GPHN: variants seen among roughly 807,000 people sequenced by gnomAD.
GPHN encodes the protein gephyrin.
In GPHN, 17 loss-of-function variants were observed where a neutral mutation model predicts 95.5. The observed-to-expected ratio is 0.18, with a 90% CI of 0.12 to 0.27. The LOEUF is 0.27. GPHN is among the 10% of genes least tolerant of loss of function. The pLI, the probability that GPHN is intolerant of heterozygous loss-of-function variation, is 1.00. For missense variants in GPHN, 660 were observed against 978.1 expected, an observed-to-expected ratio of 0.67 and a Z score of 4.34; for synonymous variants, 320 against 322.5, an observed-to-expected ratio of 0.99 and a Z score of 0.08.
At chr14:66,882,758 T>G (rs531228170) in intron 5 of GPHN, among the ~76,000 whole-genome samples, 1 of 151,674 alleles carries the variant, frequency 6.6e-6, no homozygotes, top group Non-Finnish European at 1.5e-5. Context: ...TTTTCGTAGC[T>G]TTTCTTCATT....
At chr14:67,657,801 T>C in the GPHN span, among the ~76,000 whole-genome samples, 1 of 144,458 alleles carries the variant, frequency 6.9e-6, no homozygotes, top group East Asian at 2.0e-4. Flanking sequence ...CGGGCTGGAG[T>C]GGAGTGGCAA....
At chr14:67,726,028 A>G in the GPHN span, 1 of 1,519,316 alleles carries the variant, frequency 6.6e-7, no homozygotes, top group South Asian at 1.1e-5. Flanking sequence ...TAACCATAGG[A>G]TCTCTTTGGT....
chr14:67,435,306 A>G, the GPHN span, among the ~76,000 whole-genome samples: 4 of 152,216 alleles, frequency 2.6e-5, no homozygotes, highest in East Asian at 7.7e-4. Context: ...CACTCCCATG[A>G]TAGCCGGTTA....
At chr14:67,508,770 A>AAAAAAAAAAAAAAAAAAAAAAG in the GPHN span, among the ~76,000 whole-genome samples, 1 of 150,950 alleles carries the variant, frequency 6.6e-6, no homozygotes, top group East Asian at 1.9e-4. Flanking sequence ...AAAAAAAAAA[A>AAAAAAAAAAAAAAAAAAAAAAG]ACAGAAGACA....
At chr14:66,535,570 A>G (rs1253504823) in intron 1 of GPHN, among the ~76,000 whole-genome samples, 1 of 152,144 alleles carries the variant, frequency 6.6e-6, no homozygotes, top group Admixed American at 6.5e-5. Context: ...GCATCTTAAC[A>G]ATATAGAGTC....
At chr14:67,376,063 A>G in the GPHN span, among the ~76,000 whole-genome samples, 1 of 152,192 alleles carries the variant, frequency 6.6e-6, no homozygotes, top group Non-Finnish European at 1.5e-5. Flanking sequence ...AATTTTTTTT[A>G]TCGTGATTCT....
intron 1 of GPHN, among the ~76,000 whole-genome samples, chr14:66,555,792 T>G (rs926799147): frequency 2.0e-5 from 3 of 152,128 alleles, no homozygotes; most frequent in African/African-American, 7.2e-5. Context: ...TTTTGAGACT[T>G]TAAAAAAACC....
At chr14:66,808,165 C>T (rs1390310078) in intron 3 of GPHN, among the ~76,000 whole-genome samples, 1 of 152,090 alleles carries the variant, frequency 6.6e-6, no homozygotes, top group South Asian at 2.1e-4. Context: ...TCTTTATTAG[C>T]CATTGGGATC....
At chr14:67,618,329 G>C in the GPHN span, among the ~76,000 whole-genome samples, 2 of 152,044 alleles carry the variant, frequency 1.3e-5, no homozygotes, top group African/African-American at 4.8e-5. Flanking sequence ...CAAGTATCTG[G>C]TGACCCATAG....
At chr14:67,081,895 G>C (rs1010722271) in intron 11 of GPHN, among the ~76,000 whole-genome samples, 1 of 152,106 alleles carries the variant, frequency 6.6e-6, no homozygotes, top group African/African-American at 2.4e-5. Context: ...CTTTGTCAAC[G>C]ATCAGTTGGC....
At chr14:67,364,035 G>T in the GPHN span, 1 of 152,260 alleles carries the variant, frequency 6.6e-6, no homozygotes, top group African/African-American at 2.4e-5. Context: ...ATGCTTGGAG[G>T]TTAAGAGAAA....
chr14:66,905,992 CT>C (rs201011247), intron 5 of GPHN, among the ~76,000 whole-genome samples: 26,317 of 134,206 alleles, frequency 0.2, 2,314 homozygotes, highest in Non-Finnish European at 0.23. Flanking sequence ...TGATTCGAGG[CT>C]TTTTTTTTTT....
intron 11 of GPHN, among the ~76,000 whole-genome samples, chr14:67,073,852 A>G (rs1285626798): frequency 2.0e-5 from 3 of 152,228 alleles, no homozygotes; most frequent in Non-Finnish European, 4.4e-5. Flanking sequence ...TTTTATAAGC[A>G]TAGGAATTTT....
chr14:67,119,058 C>T lies in GPHN; in HGVS notation c.1627-3198C>T, dbSNP rs538491129. 2.6e-5 allele frequency among the ~76,000 whole-genome samples: 4 copies of T among 152,120 alleles called. No homozygotes were observed. The South Asian group carries it at 8.3e-4, about 32-fold the overall frequency. On this transcript the variant is annotated intron_variant, in intron 16 of 22. Transcript: ENST00000478722. ...AAGCAAAGTCCGAGCAGAGATTGGT[C>T]GGAATTTGTAAAATAGGTGAATTGG...
At chr14:67,270,195 G>A in the GPHN span, 2 of 152,130 alleles carry the variant, frequency 1.3e-5, no homozygotes, top group African/African-American at 4.8e-5. Flanking sequence ...TCAATCATTT[G>A]CACTTGTTGT....
Position 66,580,347 on chromosome 14 carries a change from T to C in GPHN, c.64+71756T>C, listed in dbSNP as rs111594891. Among the ~76,000 whole-genome samples, 554 of 151,772 alleles carry C rather than the reference T, an allele frequency of 3.7e-3. 12 individuals carry two copies. The highest frequency in any genetic ancestry group is 0.013 in the African/African-American group (528 of 41,510). ...CATAGTTAGTTGAATGAATGAAATA[T>C]TAAAAATCAGAGCAGAAATAAATGA... is the stretch of plus-strand genomic sequence containing the variant. On this transcript the variant is annotated intron_variant, in intron 1 of 22. Transcript: ENST00000478722.
At chr14:66,659,181 C>G (rs927570739) in intron 1 of GPHN, among the ~76,000 whole-genome samples, 1 of 150,460 alleles carries the variant, frequency 6.6e-6, no homozygotes. Flanking sequence ...TGTTTGTGTG[C>G]ACGCGTTTAA....
intron 2 of GPHN, among the ~76,000 whole-genome samples, chr14:66,695,829 A>G (rs2068069037): frequency 6.6e-6 from 1 of 152,214 alleles, no homozygotes; most frequent in Non-Finnish European, 1.5e-5. Context: ...TAGTAAAAGA[A>G]TCAGTGCTTG....
the GPHN span, chr14:67,333,996 T>C: frequency 2.0e-5 from 3 of 152,620 alleles, no homozygotes; most frequent in Non-Finnish European, 4.4e-5. Flanking sequence ...TAATATTTAA[T>C]AGATCAACAA....
Sources: gnomAD v4.1 joint callset for allele counts (sites outside exome capture counted in the v4.1 genomes callset) on GRCh38, gnomAD v4.1.1 for gene constraint, MANE v1.5 for transcripts, NCBI Gene and HGNC (gene_info 2026-07-23, HGNC 2026-07-21) for gene names.